C5: variants seen among roughly 807,000 people sequenced by gnomAD.
C5 encodes C3 and PZP-like alpha-2-macroglobulin domain-containing protein 4.
In C5, 140 loss-of-function variants were observed where a neutral mutation model predicts 218.8. That is an observed-to-expected ratio of 0.64 (90% CI 0.56 to 0.74). The LOEUF is 0.74. Ranked by LOEUF, C5 falls within the 30% of genes least tolerant of loss-of-function variation. The pLI, the probability that C5 is intolerant of heterozygous loss-of-function variation, is 0.00. For synonymous variants in C5, 614 were observed against 682.3 expected (o/e 0.90, Z 1.56); for missense variants, 1,700 against 1,969.6 (o/e 0.86, Z 2.59).
chr9:120,967,790 C>T (rs1168055994), intron 33 of C5, among the ~76,000 whole-genome samples: 2 of 151,940 alleles, frequency 1.3e-5, no homozygotes, highest in Non-Finnish European at 2.9e-5. Flanking sequence ...GGCGTGGTCA[C>T]AGCTCACTGC....
intron 21 of C5, 95 bp from the exon 22 acceptor site, chr9:120,996,395 A>G: frequency 9.0e-7 from 1 of 1,112,522 alleles, no homozygotes; most frequent in Non-Finnish European, 1.4e-6. Context: ...TCAAACTAAA[A>G]AATTATTTTT....
chr9:121,070,177 G>A, the C5 span, among the ~76,000 whole-genome samples: 1 of 151,904 alleles, frequency 6.6e-6, no homozygotes, highest in South Asian at 2.1e-4. Context: ...GACCAACATG[G>A]AGAAACCCCA....
chr9:120,977,046 A>G, intron 28 of C5, 141 bp from the exon 29 acceptor site: 1 of 713,996 alleles, frequency 1.4e-6, no homozygotes, highest in Non-Finnish European at 2.5e-6. Context: ...AAGATGACCA[A>G]TGCAAAACGA....
chr9:120,976,757 T>C lies in C5; in HGVS notation c.3807A>G (p.Pro1269=), dbSNP rs772447698. ...GCTCTTCTGATAGCCATTTGATGAC[T>C]GGGTTAACATAATTTATATCTTTCA... ...LNLKDINYVN[P]VIKWLSEEQR... The change falls in exon 29 of 41, where the codon CCA becomes CCG. Residue 1269 remains proline, a synonymous_variant. Coordinates refer to ENST00000223642, the MANE Select transcript of C5 (RefSeq NM_001735.3). 4 of 1,614,162 alleles carry C rather than the reference T, an allele frequency of 2.5e-6. No individual in the cohort carries two copies. Among genetic ancestry groups the C allele is most frequent in the Non-Finnish European group, 3.4e-6 (4 of 1,180,010 alleles).
chr9:121,002,316 G>GTGTGTGTATATATA (rs572345213), intron 20 of C5, among the ~76,000 whole-genome samples: 27 of 87,396 alleles, frequency 3.1e-4, no homozygotes, highest in Non-Finnish European at 4.0e-4. Flanking sequence ...ATATGTGTGT[G>GTGTGTGTATATATA]TATATATATA....
intron 22 of C5, among the ~76,000 whole-genome samples, 157 bp downstream of exon 22, chr9:120,996,083 T>C (rs1243740225): frequency 1.3e-5 from 2 of 152,174 alleles, no homozygotes; most frequent in Non-Finnish European, 2.9e-5. Context: ...CCTCCCAAAG[T>C]GCTAGGATTA....
intron 25 of C5, among the ~76,000 whole-genome samples, chr9:120,983,497 C>T (rs1434688540): frequency 2.6e-5 from 4 of 152,186 alleles, no homozygotes; most frequent in Admixed American, 2.6e-4. Context: ...TTGACTTGCT[C>T]TCCCACTTCC....
intron 22 of C5, among the ~76,000 whole-genome samples, chr9:120,995,820 CTTTTT>C (rs66652956): frequency 7.4e-6 from 1 of 134,410 alleles, no homozygotes; most frequent in Non-Finnish European, 1.6e-5. Context: ...GAAGTGGATA[CTTTTT>C]TTTTTTTTTT....
chr9:120,986,690 C>T (rs2047035536), intron 25 of C5, among the ~76,000 whole-genome samples: 1 of 145,392 alleles, frequency 6.9e-6, no homozygotes, highest in Non-Finnish European at 1.5e-5. Context: ...TCTTCATTGA[C>T]ACTCACTCCC....
rs41307966 is a variant in C5 at position 121,046,505 on chromosome 9, TG to T, written c.66-123del. 2,348 of 707,970 alleles carry T rather than the reference TG, an allele frequency of 3.3e-3. 44 individuals are homozygous for T. In the African/African-American group the frequency reaches 0.038, roughly 11 times the overall value. 43.9% of individuals were successfully genotyped at this position (707,970 alleles called of 1,614,324 possible). On this transcript the variant is annotated intron_variant, in intron 1 of 40. Coordinates refer to ENST00000223642, the MANE Select transcript of C5 (RefSeq NM_001735.3). ...ATACATATATTTCCTCACTTAAAAA[TG>T]ATACTAATAAGTCAAAATGTACTTG... is the stretch of plus-strand genomic sequence containing the variant.
At chr9:120,967,925 G>C (rs911622774) in intron 33 of C5, among the ~76,000 whole-genome samples, 2 of 151,796 alleles carry the variant, frequency 1.3e-5, no homozygotes, top group Non-Finnish European at 2.9e-5. Flanking sequence ...GTCTGGCTAT[G>C]GTGCCCAGGC....
At chr9:120,955,218 A>T (rs1194903094) in intron 39 of C5, among the ~76,000 whole-genome samples, 1 of 152,180 alleles carries the variant, frequency 6.6e-6, no homozygotes, top group Non-Finnish European at 1.5e-5. Context: ...AAAAATTCAA[A>T]ATTTATGTGT....
the C5 span, among the ~76,000 whole-genome samples, chr9:121,061,628 G>A: frequency 6.6e-6 from 1 of 152,178 alleles, no homozygotes; most frequent in African/African-American, 2.4e-5. Context: ...TAACATCATT[G>A]TAAATAAAGG....
Position 120,957,309 on chromosome 9 carries a change from T to G in C5, c.4738A>C (p.Thr1580Pro). 6.2e-7 allele frequency: 1 copy of G among 1,612,416 alleles called. No homozygotes were observed. Among genetic ancestry groups the G allele is most frequent in the Non-Finnish European group, 8.5e-7 (1 of 1,178,672 alleles). Residue 1580 changes from threonine to proline, a missense_variant, in exon 39 of 41, where the codon ACC (threonine) becomes CCC (proline). Coordinates refer to ENST00000223642, the MANE Select transcript of C5 (RefSeq NM_001735.3). Reference sequence around the variant, plus strand: ...CCAGTTTTGTAGATATCCAGAAGGGTTGCCTTGTACTTGACAAAAACATTT... The same window carrying G: ...CCAGTTTTGTAGATATCCAGAAGGGGTGCCTTGTACTTGACAAAAACATTT... Reference protein sequence around the residue: ...VENVFVKYKATLLDIYKTGEA... With the variant: ...VENVFVKYKAPLLDIYKTGEA...
intron 28 of C5, among the ~76,000 whole-genome samples, chr9:120,978,324 C>A (rs757434116): frequency 3.3e-5 from 5 of 152,108 alleles, no homozygotes; most frequent in Non-Finnish European, 7.4e-5. Context: ...TAATTCATAA[C>A]TACATTATTT....
At chr9:121,045,260 T>C (rs1017119) in intron 2 of C5, among the ~76,000 whole-genome samples, 3,362 of 152,274 alleles carry the variant, frequency 0.022, 212 homozygotes, top group East Asian at 0.15. Flanking sequence ...ACTTGAGTAA[T>C]ATGCATAGTC....
chr9:121,064,447 T>G, the C5 span, among the ~76,000 whole-genome samples: 1 of 152,166 alleles, frequency 6.6e-6, no homozygotes, highest in Non-Finnish European at 1.5e-5. Context: ...CTGATAGTTC[T>G]TATTAGACCC....
rs1036893690 is a variant in C5 at position 120,971,102 on chromosome 9, G to T, written c.4080+828C>A. On this transcript the variant is annotated intron_variant, in intron 31 of 40. Transcript: ENST00000223642. ...CAGGAGAATTGCTTGAACCTGGGAGGCGGAGGTTGCAGTGAGCCAAGATTG... is the reference window on the plus strand; with the variant it reads ...CAGGAGAATTGCTTGAACCTGGGAGTCGGAGGTTGCAGTGAGCCAAGATTG... 6.6e-5 allele frequency among the ~76,000 whole-genome samples: 10 copies of T among 151,098 alleles called. No homozygotes were observed. In the East Asian group the frequency reaches 1.8e-3, roughly 27 times the overall value.
chr9:121,021,102 C>CT (rs1320586546), intron 11 of C5, among the ~76,000 whole-genome samples: 1 of 152,126 alleles, frequency 6.6e-6, no homozygotes, highest in East Asian at 1.9e-4. Context: ...ATTAAGTGGG[C>CT]TCTAAAGTAG....
Sources: gnomAD v4.1 joint callset for allele counts (sites outside exome capture counted in the v4.1 genomes callset) on GRCh38, gnomAD v4.1.1 for gene constraint, MANE v1.5 for transcripts, NCBI Gene and HGNC (gene_info 2026-07-23, HGNC 2026-07-21) for gene names.